Variants in CADM2 observed in about 807,000 individuals in gnomAD.
CADM2 encodes immunoglobulin superfamily member 4D.
In CADM2, 12 loss-of-function variants were observed where a neutral mutation model predicts 49.8. That is an observed-to-expected ratio of 0.24 (90% CI 0.15 to 0.39). The LOEUF (loss-of-function observed/expected upper bound fraction) is 0.39, where lower values mean the gene tolerates loss of function less well. Ranked by LOEUF, CADM2 falls within the 10% of genes least tolerant of loss-of-function variation. The pLI, the probability that CADM2 is intolerant of heterozygous loss-of-function variation, is 1.00. For missense variants in CADM2, 378 were observed against 492.3 expected (o/e 0.77, Z 2.20); for synonymous variants, 214 against 175.4 (o/e 1.22, Z -1.74).
intron 1 of CADM2, among the ~76,000 whole-genome samples, chr3:85,615,511 T>TA (rs1451417103): frequency 6.6e-6 from 1 of 152,000 alleles, no homozygotes; most frequent in African/African-American, 2.4e-5. Flanking sequence ...CTAGGTATTG[T>TA]AAATCCTTAC....
rs145205854 is a variant in CADM2, at chr3:85,197,553, C to T, written c.61+237885C>T. On this transcript the variant is annotated intron_variant, in intron 1 of 9. Coordinates refer to ENST00000383699, the MANE Select transcript of CADM2 (RefSeq NM_001167675.2). ...AAGAAGTTAGGTTGCTTTTCTAAAA[C>T]CATACAGATAGTTAATTGACACTCC... Among the ~76,000 whole-genome samples the T allele has an allele frequency of 8.6e-5, 13 of 151,890 alleles. No homozygotes were observed. In the East Asian group the frequency reaches 2.5e-3, roughly 29 times the overall value.
chr3:85,813,685 G>A (rs1196332034), intron 3 of CADM2, among the ~76,000 whole-genome samples: 2 of 152,134 alleles, frequency 1.3e-5, no homozygotes, highest in African/African-American at 2.4e-5. Flanking sequence ...TTACATTTAA[G>A]CATTTAATTC....
At position 85,013,067 on chromosome 3, in the gene CADM2, C is replaced by T. The variant is rs374344418; in HGVS notation, c.61+53399C>T. On this transcript the variant is annotated intron_variant, in intron 1 of 9. Transcript: ENST00000383699. Reference sequence around the variant, plus strand: ...TGTTGCAATGTTAACTTACACATAACACTTATTAATAAATGACATTTTTTC... The same window carrying T: ...TGTTGCAATGTTAACTTACACATAATACTTATTAATAAATGACATTTTTTC... Among the ~76,000 whole-genome samples, 22 of 150,352 alleles carry T rather than the reference C, an allele frequency of 1.5e-4. No homozygotes were observed. In the South Asian group the frequency reaches 3.8e-3, roughly 26 times the overall value.
chr3:85,412,703 G>T (rs1441141197), intron 1 of CADM2, among the ~76,000 whole-genome samples: 2 of 151,906 alleles, frequency 1.3e-5, no homozygotes, highest in East Asian at 1.9e-4. Flanking sequence ...AAAACAAAAA[G>T]AATAATGCAC....
At chr3:85,666,540 A>T (rs1231063657) in intron 1 of CADM2, among the ~76,000 whole-genome samples, 1 of 152,030 alleles carries the variant, frequency 6.6e-6, no homozygotes, top group Non-Finnish European at 1.5e-5. Context: ...TACATGACAT[A>T]AGAGACATCA....
chr3:85,265,446 T>C (rs2043102400), intron 1 of CADM2, among the ~76,000 whole-genome samples: 1 of 151,946 alleles, frequency 6.6e-6, no homozygotes. Flanking sequence ...GCCATCTTGT[T>C]GTGTTATTCT....
At chr3:86,014,822 C>T in intron 8 of CADM2, 1 of 1,494,540 alleles carries the variant, frequency 6.7e-7, no homozygotes, top group East Asian at 2.3e-5. Flanking sequence ...CATCCACCAT[C>T]TATGAAGCCC....
intron 2 of CADM2, among the ~76,000 whole-genome samples, chr3:85,727,157 T>C (rs2067735233): frequency 6.6e-6 from 1 of 152,138 alleles, no homozygotes; most frequent in Non-Finnish European, 1.5e-5. Context: ...CAAATACATG[T>C]ATGATACTGT....
At chr3:84,973,182 G>C (rs1380425956) in intron 1 of CADM2, among the ~76,000 whole-genome samples, 1 of 152,062 alleles carries the variant, frequency 6.6e-6, no homozygotes, top group Non-Finnish European at 1.5e-5. Flanking sequence ...CAAAGTGCTG[G>C]GATTACAGGC....
At chr3:85,554,117 G>A (rs1300695713) in intron 1 of CADM2, among the ~76,000 whole-genome samples, 1 of 147,056 alleles carries the variant, frequency 6.8e-6, no homozygotes, top group Non-Finnish European at 1.5e-5. Flanking sequence ...AGTAGTCAGG[G>A]TTAGTGGGTG....
intron 1 of CADM2, among the ~76,000 whole-genome samples, chr3:85,527,859 T>G (rs1338121604): frequency 1.3e-5 from 2 of 152,210 alleles, no homozygotes; most frequent in African/African-American, 2.4e-5. Context: ...GAGGATTGCA[T>G]TTTTTCTCCA....
intron 1 of CADM2, among the ~76,000 whole-genome samples, chr3:85,264,763 T>G (rs971470358): frequency 1.3e-5 from 2 of 152,020 alleles, no homozygotes; most frequent in Non-Finnish European, 2.9e-5. Context: ...AATTAGAAAG[T>G]TATGAGGTTG....
At chr3:85,121,733 A>G (rs2038871784) in intron 1 of CADM2, among the ~76,000 whole-genome samples, 1 of 152,142 alleles carries the variant, frequency 6.6e-6, no homozygotes, top group Non-Finnish European at 1.5e-5. Context: ...AATATTACCT[A>G]TCTTTGGACA....
chr3:85,288,783 T>TTCC (rs2043698302), intron 1 of CADM2, among the ~76,000 whole-genome samples: 12 of 67,642 alleles, frequency 1.8e-4, no homozygotes, highest in Non-Finnish European at 2.4e-4. Context: ...TTTACCAATA[T>TTCC]GCCCCCCCCC....
chr3:85,511,796 G>T (rs182285267), intron 1 of CADM2: 3 of 792,632 alleles, frequency 3.8e-6, no homozygotes, highest in Admixed American at 1.3e-4. Context: ...TTTGTCCACT[G>T]CAAACTTCGA....
chr3:85,367,762 T>C (rs985234531), intron 1 of CADM2, among the ~76,000 whole-genome samples: 1 of 151,804 alleles, frequency 6.6e-6, no homozygotes, highest in African/African-American at 2.4e-5. Context: ...AAAATAAAAG[T>C]AATATACCTG....
At chr3:85,739,243 G>C (rs934672942) in intron 2 of CADM2, among the ~76,000 whole-genome samples, 1 of 152,012 alleles carries the variant, frequency 6.6e-6, no homozygotes, top group Non-Finnish European at 1.5e-5. Context: ...ATACTGCTTT[G>C]TTGTTCAAAA....
chr3:86,013,606 A>G, intron 8 of CADM2: 2 of 1,599,986 alleles, frequency 1.3e-6, no homozygotes, highest in Non-Finnish European at 1.7e-6. Flanking sequence ...GAAGAGAGAG[A>G]ATCACACTTC....
intron 8 of CADM2, chr3:86,012,600 G>A: frequency 1.3e-6 from 2 of 1,577,906 alleles, no homozygotes; most frequent in Admixed American, 1.7e-5. Flanking sequence ...CACGCGAAGC[G>A]CACGCAGTCC....
Sources: allele counts gnomAD v4.1 joint callset (sites outside exome capture counted in the v4.1 genomes callset), GRCh38; gene constraint gnomAD v4.1.1; transcripts MANE v1.5; gene names NCBI Gene and HGNC (gene_info 2026-07-23, HGNC 2026-07-21).